Variants in GRID1 observed in about 807,000 individuals in gnomAD.
The protein encoded by GRID1 is glutamate ionotropic receptor delta type subunit 1.
In GRID1, 28 loss-of-function variants were observed where a neutral mutation model predicts 98.0. That is an observed-to-expected ratio of 0.29 (90% confidence interval 0.21 to 0.39). GRID1 has a LOEUF of 0.39. Among genes scored for constraint, GRID1 ranks in the 10% least tolerant of loss-of-function variants. The pLI, the probability that GRID1 is intolerant of heterozygous loss-of-function variation, is 1.00. For synonymous variants in GRID1, 553 were observed against 538.5 expected (o/e 1.03, Z -0.37); for missense variants, 1,111 against 1,340.5 (o/e 0.83, Z 2.67).
intron 3 of GRID1, among the ~76,000 whole-genome samples, chr10:86,164,017 C>T (rs915192730): frequency 6.6e-6 from 1 of 152,202 alleles, no homozygotes; most frequent in Admixed American, 6.5e-5. Flanking sequence ...GTGCTGCTCA[C>T]TCCAGCTGGC....
intron 4 of GRID1, among the ~76,000 whole-genome samples, chr10:85,966,771 G>A (rs902972017): frequency 2.6e-5 from 4 of 151,710 alleles, no homozygotes; most frequent in African/African-American, 9.7e-5. Context: ...CCAAGATCAT[G>A]CCACTGCACT....
intron 2 of GRID1, among the ~76,000 whole-genome samples, chr10:86,263,811 G>A (rs1047334564): frequency 3.9e-5 from 6 of 152,236 alleles, no homozygotes; most frequent in Non-Finnish European, 7.3e-5. Flanking sequence ...AGGCTTTGGA[G>A]ATGGGCTAGA....
chr10:85,680,667 G>C (rs1414735245), intron 12 of GRID1, among the ~76,000 whole-genome samples: 1 of 152,142 alleles, frequency 6.6e-6, no homozygotes, highest in African/African-American at 2.4e-5. Context: ...AAAGATATGT[G>C]CACTCATGCT....
chr10:85,924,676 T>G (rs1265015865), intron 4 of GRID1, among the ~76,000 whole-genome samples: 1 of 152,136 alleles, frequency 6.6e-6, no homozygotes, highest in Non-Finnish European at 1.5e-5. Flanking sequence ...TTGGCTCAGA[T>G]CTCTGAAAAA....
intron 8 of GRID1, among the ~76,000 whole-genome samples, chr10:85,847,092 G>T (rs1843013462): frequency 6.6e-6 from 1 of 152,126 alleles, no homozygotes; most frequent in African/African-American, 2.4e-5. Flanking sequence ...ACCCTCACCT[G>T]CTATAACAAA....
intron 8 of GRID1, among the ~76,000 whole-genome samples, chr10:85,737,878 G>A (rs1841902553): frequency 6.6e-6 from 1 of 151,672 alleles, no homozygotes; most frequent in Admixed American, 6.6e-5. Context: ...TCCAAGGAGA[G>A]ACAGGATGCA....
At chr10:85,732,014 C>A (rs1018184379) in intron 8 of GRID1, among the ~76,000 whole-genome samples, 2 of 152,150 alleles carry the variant, frequency 1.3e-5, no homozygotes, top group Non-Finnish European at 2.9e-5. Context: ...TTGGTTCCTA[C>A]AGCTGGATTA....
intron 2 of GRID1, among the ~76,000 whole-genome samples, chr10:86,354,540 C>T (rs951801965): frequency 6.6e-6 from 1 of 152,254 alleles, no homozygotes; most frequent in African/African-American, 2.4e-5. Flanking sequence ...TCTCTAGATC[C>T]ACCACCACAA....
chr10:86,218,477 C>T (rs1010424893), intron 2 of GRID1, among the ~76,000 whole-genome samples: 2 of 152,188 alleles, frequency 1.3e-5, no homozygotes, highest in Non-Finnish European at 2.9e-5. Flanking sequence ...GCCAGCCTAA[C>T]CAGCCCCAAG....
intron 2 of GRID1, among the ~76,000 whole-genome samples, chr10:86,219,707 A>G (rs866388171): frequency 2.6e-5 from 4 of 152,098 alleles, no homozygotes; most frequent in Non-Finnish European, 4.4e-5. Flanking sequence ...TCTGTTCTTT[A>G]TATCTTTCTT....
chr10:86,351,703 G>C (rs1848464936), intron 2 of GRID1, among the ~76,000 whole-genome samples: 1 of 152,186 alleles, frequency 6.6e-6, no homozygotes, highest in South Asian at 2.1e-4. Context: ...CAGTGATTTG[G>C]GAAGCCAGTG....
rs982441728 is a variant in GRID1 at position 85,814,047 on chromosome 10, G to A, written c.1233+40449C>T. Among the ~76,000 whole-genome samples, 4 of 151,808 alleles carry A rather than the reference G, an allele frequency of 2.6e-5. No homozygotes were observed. The East Asian group carries it at 5.8e-4, about 22-fold the overall frequency. Reference sequence around the variant, plus strand: ...AGGCAAGAAAAAGGATATGGAGACTGAACAACCAAAAAATTAATAAGAAAA... The same window carrying A: ...AGGCAAGAAAAAGGATATGGAGACTAAACAACCAAAAAATTAATAAGAAAA... On this transcript the variant is annotated intron_variant, in intron 8 of 15. Transcript: ENST00000327946.
At chr10:85,898,433 ATTAACT>A (rs1243981244) in intron 5 of GRID1, among the ~76,000 whole-genome samples, 2 of 152,350 alleles carry the variant, frequency 1.3e-5, no homozygotes, top group East Asian at 3.9e-4. Flanking sequence ...TCAAAAATAA[ATTAACT>A]TTAACTTATT....
chr10:85,907,841 A>G (rs1316281118), intron 5 of GRID1, among the ~76,000 whole-genome samples: 1 of 152,244 alleles, frequency 6.6e-6, no homozygotes, highest in Non-Finnish European at 1.5e-5. Flanking sequence ...TATGAAAAGT[A>G]GGTTTTATCC....
At chr10:85,610,352 C>T (rs1228339713) in intron 15 of GRID1, among the ~76,000 whole-genome samples, 1 of 152,182 alleles carries the variant, frequency 6.6e-6, no homozygotes, top group Non-Finnish European at 1.5e-5. Context: ...TCGGAGCAGG[C>T]CCCGTATCCT....
intron 4 of GRID1, among the ~76,000 whole-genome samples, chr10:86,116,164 G>A (rs903865689): frequency 6.6e-6 from 1 of 152,212 alleles, no homozygotes; most frequent in East Asian, 1.9e-4. Context: ...ATGCGTGACT[G>A]TATGTCTTCT....
At chr10:85,693,607 A>T (rs995430965) in intron 12 of GRID1, among the ~76,000 whole-genome samples, 1 of 152,212 alleles carries the variant, frequency 6.6e-6, no homozygotes, top group Non-Finnish European at 1.5e-5. Flanking sequence ...ATGAAACAGA[A>T]TAGAGAACAT....
intron 4 of GRID1, 28 bp downstream of exon 4, chr10:86,138,791 C>G: frequency 6.3e-7 from 1 of 1,579,276 alleles, no homozygotes; most frequent in South Asian, 1.1e-5. Context: ...GCACCAGGCC[C>G]CTGAGGCCTC....
chr10:85,736,416 A>G (rs1841884566), intron 8 of GRID1, among the ~76,000 whole-genome samples: 1 of 152,202 alleles, frequency 6.6e-6, no homozygotes, highest in Non-Finnish European at 1.5e-5. Context: ...CTACACTGTC[A>G]CAATTTTACA....
Sources: allele counts gnomAD v4.1 joint callset (sites outside exome capture counted in the v4.1 genomes callset), GRCh38; gene constraint gnomAD v4.1.1; transcripts MANE v1.5; gene names NCBI Gene and HGNC (gene_info 2026-07-23, HGNC 2026-07-21).